Variants in CAST observed in about 807,000 individuals in gnomAD.
CAST encodes the protein calpastatin, also known as MIR583 host.
Under a neutral mutation model 119.6 loss-of-function variants are expected in CAST, and 76 were observed. The observed-to-expected ratio is 0.64, with a 90% confidence interval of 0.53 to 0.77. The LOEUF is 0.77. Ranked by LOEUF, CAST falls within the 30% of genes least tolerant of loss-of-function variation. The probability of loss-of-function intolerance (pLI) is 0.00; values close to 1 mark genes in which losing one functional copy is unlikely to be tolerated. For missense variants in CAST, 953 were observed against 946.5 expected (o/e 1.01, Z -0.09); for synonymous variants, 319 against 331.6 (o/e 0.96, Z 0.41).
At chr5:96,143,922 C>T in the CAST span, among the ~76,000 whole-genome samples, 3 of 151,946 alleles carry the variant, frequency 2.0e-5, no homozygotes, top group Non-Finnish European at 4.4e-5. Context: ...ATTTTTATTT[C>T]AGAAAGTATT....
At chr5:96,447,798 G>A in the CAST span, among the ~76,000 whole-genome samples, 2 of 152,080 alleles carry the variant, frequency 1.3e-5, no homozygotes, top group African/African-American at 4.8e-5. Context: ...TTTAATATAT[G>A]TGATATCAGC....
At chr5:96,097,814 T>C in the CAST span, among the ~76,000 whole-genome samples, 2 of 152,186 alleles carry the variant, frequency 1.3e-5, no homozygotes, top group Admixed American at 1.3e-4. Flanking sequence ...ATCTTTATAA[T>C]AGAATGATTT....
intron 1 of CAST, among the ~76,000 whole-genome samples, chr5:96,629,413 G>A (rs370886901): frequency 1.1e-4 from 17 of 151,566 alleles, no homozygotes; most frequent in South Asian, 2.1e-4. Flanking sequence ...TCTTTCCAGC[G>A]CTCCCCTCTG....
the CAST span, among the ~76,000 whole-genome samples, chr5:96,457,041 A>G: frequency 6.6e-6 from 1 of 152,150 alleles, no homozygotes; most frequent in Non-Finnish European, 1.5e-5. Context: ...TCCTTTATAA[A>G]TTACCCAGTC....
intron 1 of CAST, among the ~76,000 whole-genome samples, chr5:96,619,536 G>A (rs1016632831): frequency 6.6e-6 from 1 of 152,308 alleles, no homozygotes; most frequent in East Asian, 1.9e-4. Flanking sequence ...TCCACAGTGT[G>A]GTAGCTTTGT....
the CAST span, among the ~76,000 whole-genome samples, chr5:95,971,879 G>A: frequency 5.9e-5 from 9 of 152,006 alleles, no homozygotes; most frequent in Middle Eastern, 6.8e-3. Flanking sequence ...CCCAATTTTG[G>A]GTGATTGTAA....
the CAST span, among the ~76,000 whole-genome samples, chr5:96,118,488 C>CA: frequency 6.6e-6 from 1 of 152,036 alleles, no homozygotes; most frequent in Non-Finnish European, 1.5e-5. Context: ...CTGTGCTGAG[C>CA]AAAAAATGCA....
intron 2 of CAST, among the ~76,000 whole-genome samples, chr5:96,680,623 A>T (rs923710549): frequency 1.4e-5 from 2 of 145,312 alleles, no homozygotes; most frequent in Non-Finnish European, 2.9e-5. Flanking sequence ...TTTTCCAATT[A>T]AAAAAAGACC....
the CAST span, among the ~76,000 whole-genome samples, chr5:96,411,272 C>G: frequency 6.6e-6 from 1 of 152,184 alleles, no homozygotes; most frequent in African/African-American, 2.4e-5. Context: ...TGCACTTGCT[C>G]ATATTTTTCC....
chr5:96,092,775 T>G, the CAST span, among the ~76,000 whole-genome samples: 3 of 152,208 alleles, frequency 2.0e-5, no homozygotes, highest in Non-Finnish European at 4.4e-5. Context: ...TCAGACATGA[T>G]CAAACCAGGC....
chr5:96,532,895 C>A (rs1361535469), intron 1 of CAST, among the ~76,000 whole-genome samples: 2 of 151,786 alleles, frequency 1.3e-5, no homozygotes, highest in Non-Finnish European at 2.9e-5. Context: ...GATGGTGGTG[C>A]ACACCTGTAG....
chr5:96,019,366 T>C, the CAST span, among the ~76,000 whole-genome samples: 1 of 152,322 alleles, frequency 6.6e-6, no homozygotes, highest in Non-Finnish European at 1.5e-5. Flanking sequence ...AAAGCAATAC[T>C]TCTGTACATA....
At chr5:96,142,441 TA>T in the CAST span, among the ~76,000 whole-genome samples, 503 of 152,322 alleles carry the variant, frequency 3.3e-3, no homozygotes, top group African/African-American at 0.012. Flanking sequence ...GTGCACTTTT[TA>T]ATTGTTTACA....
the CAST span, among the ~76,000 whole-genome samples, chr5:96,364,533 C>A: frequency 5.9e-5 from 9 of 152,154 alleles, no homozygotes; most frequent in Non-Finnish European, 8.8e-5. Context: ...GATTCAACTT[C>A]TTCCTGGTTT....
chr5:96,249,099 A>G, the CAST span, among the ~76,000 whole-genome samples: 4 of 152,230 alleles, frequency 2.6e-5, no homozygotes, highest in African/African-American at 9.6e-5. Context: ...GTATTATTCC[A>G]GATTTGTATG....
the CAST span, among the ~76,000 whole-genome samples, chr5:96,440,856 A>G: frequency 6.6e-6 from 1 of 152,238 alleles, no homozygotes; most frequent in Non-Finnish European, 1.5e-5. Context: ...GCTAGTTAAG[A>G]GTCGATGGAA....
At chr5:96,287,307 GA>G in the CAST span, among the ~76,000 whole-genome samples, 1 of 151,894 alleles carries the variant, frequency 6.6e-6, no homozygotes, top group East Asian at 1.9e-4. Flanking sequence ...TCTCATAATT[GA>G]AAAGAAAAAG....
the CAST span, among the ~76,000 whole-genome samples, chr5:96,310,515 C>G: frequency 1.3e-5 from 2 of 149,688 alleles, no homozygotes; most frequent in Non-Finnish European, 3.0e-5. Flanking sequence ...ATTAGTTATT[C>G]TTTAAACGTT....
the CAST span, among the ~76,000 whole-genome samples, chr5:96,150,196 G>C: frequency 6.6e-6 from 1 of 152,202 alleles, no homozygotes; most frequent in Non-Finnish European, 1.5e-5. Flanking sequence ...TGAGGCACCA[G>C]AGAACAAAGC....
Sources: allele counts gnomAD v4.1 joint callset (sites outside exome capture counted in the v4.1 genomes callset), GRCh38; gene constraint gnomAD v4.1.1; transcripts MANE v1.5; gene names NCBI Gene and HGNC (gene_info 2026-07-23, HGNC 2026-07-21).